DDX17: variants seen among roughly 807,000 people sequenced by gnomAD.
DDX17 encodes DEAD-box helicase 17.
DDX17 carries 10 observed loss-of-function variants against 80.8 expected under a neutral mutation model. The ratio of observed to expected loss-of-function variants is 0.12; its 90% confidence interval spans 0.08 to 0.21. The LOEUF (loss-of-function observed/expected upper bound fraction) is 0.21, where lower values mean the gene tolerates loss of function less well. Ranked by LOEUF, DDX17 falls within the 10% of genes least tolerant of loss-of-function variation. DDX17 has a pLI of 1.00. For synonymous variants in DDX17, 339 were observed against 336.2 expected (o/e 1.01, Z -0.09); for missense variants, 586 against 957.4 (o/e 0.61, Z 5.12).
In DDX17 at chr22:38,506,083, G is replaced by A; in HGVS notation, c.155C>T (p.Ser52Leu). ...CTGCGGCTCCGGTCTGGTGACGACCGATGGCGGCGGCGCCTCCGCTGTTGG... is the reference window on the plus strand; with the variant it reads ...CTGCGGCTCCGGTCTGGTGACGACCAATGGCGGCGGCGCCTCCGCTGTTGG... The change falls in exon 1 of 13, where the codon TCG becomes TTG. Residue 52 changes from serine (S) to leucine (L), a missense_variant. Transcript: ENST00000403230. 1.3e-6 allele frequency: 2 copies of A among 1,579,084 alleles called. No individual in the cohort carries two copies. Among genetic ancestry groups the A allele is most frequent in the Non-Finnish European group, 1.7e-6 (2 of 1,163,240 alleles).
rs1205856149 is a variant in DDX17, at chr22:38,486,297, T to C, written c.1828A>G (p.Arg610Gly). The C allele has an allele frequency of 2.5e-6, 4 of 1,614,240 alleles. No individual in the cohort carries two copies. The highest frequency in any genetic ancestry group is 2.5e-6 in the Non-Finnish European group (3 of 1,180,054). ...CCACTGCCATTAGCATAACCAGCTC[T>C]ATCGGTTTCACTACGATCCCGATAG... The change falls in exon 13 of 13, where the codon AGA becomes GGA. Residue 610 changes from arginine (R) to glycine (G), a missense_variant. Around this residue, in one of 4 missense-constraint regions of DDX17, gnomAD observed 221 missense variants for 261.4 expected, o/e 0.85. Transcript: ENST00000403230.
Position 38,489,649 on chromosome 22 carries a change from A to G in DDX17, c.1448-1534T>C. On this transcript the variant is annotated intron_variant, in intron 11 of 12. Transcript: ENST00000403230. This position sits in a 1 kb window ranked among gnomAD's most constrained non-coding sequence, Gnocchi z 4.6. ...AAAAAAAAAAATTAGCTGTTGTTAC[A>G]GGGCTTGTGAAGAAGGGGCATTATG... The G allele has an allele frequency of 2.0e-6, 2 of 985,322 alleles. No homozygotes were observed. Among genetic ancestry groups the G allele is most frequent in the Non-Finnish European group, 2.4e-6 (2 of 829,908 alleles). 61.0% of individuals were successfully genotyped at this position (985,322 alleles called of 1,614,324 possible). A position where few individuals can be genotyped will look rare whatever the true frequency, so the allele number is the denominator to read the frequency against.
Position 38,489,800 on chromosome 22 carries a change from G to A in DDX17, c.1448-1685C>T, listed in dbSNP as rs1407145146. ...TGAGTCTCCGGCTAGGGTCGTTGAC[G>A]CAACAAAGGAAAAAAGAATTTACAG... On this transcript the variant is annotated intron_variant, in intron 11 of 12. Coordinates refer to ENST00000403230, the MANE Select transcript of DDX17 (RefSeq NM_006386.5). This position sits in a 1 kb window ranked among gnomAD's most constrained non-coding sequence, Gnocchi z 4.6. The A allele has an allele frequency of 7.1e-6, 7 of 985,410 alleles. No homozygotes were observed. The highest frequency in any genetic ancestry group is 1.7e-5 in the African/African-American group (1 of 57,186). The allele number at this position is 985,410 out of a possible 1,614,324, so 61.0% of individuals were successfully genotyped here. A position where few individuals can be genotyped will look rare whatever the true frequency, so the allele number is the denominator to read the frequency against.
intron 7 of DDX17, 33 bp downstream of exon 7, chr22:38,494,853 G>A (rs1304375112): frequency 6.2e-7 from 1 of 1,613,812 alleles, no homozygotes; most frequent in Admixed American, 1.7e-5. Flanking sequence ...TGGACAAATG[G>A]CATAAAGACT....
intron 10 of DDX17, among the ~76,000 whole-genome samples, chr22:38,493,194 A>C (rs1248940267): frequency 1.3e-5 from 2 of 152,116 alleles, no homozygotes; most frequent in Non-Finnish European, 2.9e-5. Flanking sequence ...AGCCACGTTT[A>C]TCTCTTTGAG....
chr22:38,487,762 C>T (rs2089674714), intron 12 of DDX17, 117 bp downstream of exon 12: 5 of 1,029,890 alleles, frequency 4.9e-6, no homozygotes, highest in Admixed American at 1.8e-5. Flanking sequence ...AGGCAGTGTC[C>T]TTTGCTATTA....
intron 5 of DDX17, 148 bp downstream of exon 5, chr22:38,497,937 T>A (rs564111199): frequency 1.4e-6 from 1 of 708,194 alleles, no homozygotes; most frequent in Non-Finnish European, 2.3e-6. Context: ...GGGTAAGTCA[T>A]TTAATTCCAA....
intron 11 of DDX17, chr22:38,490,068 G>T (rs1055836370): frequency 2.8e-6 from 3 of 1,071,708 alleles, no homozygotes; most frequent in Non-Finnish European, 2.3e-6. Flanking sequence ...CAGACATGAT[G>T]CAAGTTCTTC....
chr22:38,493,611 C>T, intron 10 of DDX17, 99 bp downstream of exon 10: 1 of 937,786 alleles, frequency 1.1e-6, no homozygotes, highest in Non-Finnish European at 1.7e-6. Context: ...ACTATGTGGC[C>T]CTTTACAGAA....
In DDX17 at chr22:38,492,141, T is replaced by C. The variant is rs780997745; in HGVS notation, c.1388-26A>G. On this transcript the variant is annotated intron_variant, in intron 10 of 12. Coordinates refer to ENST00000403230, the MANE Select transcript of DDX17 (RefSeq NM_006386.5). ...CTGTAAAAACAAACAATAATCATCA[T>C]CAAATAAGCATTCCTTGCTATCTGA... 91 of 1,590,152 alleles carry C rather than the reference T, an allele frequency of 5.7e-5. 2 individuals carry two copies. In the Middle Eastern group the frequency reaches 8.3e-4, roughly 15 times the overall value.
chr22:38,494,525 T>C (rs573414242), intron 8 of DDX17, 105 bp downstream of exon 8: 1 of 1,014,026 alleles, frequency 9.9e-7, no homozygotes, highest in Non-Finnish European at 1.4e-6. Flanking sequence ...ATGCTTTTAA[T>C]GTTCTCAGGC....
At chr22:38,493,907 A>G in intron 9 of DDX17, 114 bp downstream of exon 9, 3 of 1,198,848 alleles carry the variant, frequency 2.5e-6, no homozygotes, top group Non-Finnish European at 3.7e-6. Flanking sequence ...TCATTAAAAG[A>G]GCAAACTGCA....
chr22:38,490,121 G>A, intron 11 of DDX17: 1 of 1,151,866 alleles, frequency 8.7e-7, no homozygotes. Context: ...AGCTGGATGG[G>A]GGCACACAGG....
intron 5 of DDX17, among the ~76,000 whole-genome samples, chr22:38,497,141 C>T (rs2089776587): frequency 6.6e-6 from 1 of 150,402 alleles, no homozygotes; most frequent in Non-Finnish European, 1.5e-5. Context: ...ACTAAAAATA[C>T]AAAAATTAGC....
Position 38,488,441 on chromosome 22 carries a change from C to T in DDX17, c.1448-326G>A, listed in dbSNP as rs16999001. ...AGTTACACCAATATTGGTCTTCAGA[C>T]GCAAATTCCAGTACTATCCTTTACA... On this transcript the variant is annotated intron_variant, in intron 11 of 12. Coordinates refer to ENST00000403230, the MANE Select transcript of DDX17 (RefSeq NM_006386.5). The T allele has an allele frequency of 6.7e-4, 806 of 1,202,182 alleles. 6 individuals are homozygous for T. In the East Asian group the frequency reaches 0.011, roughly 16 times the overall value. The allele number at this position is 1,202,182 out of a possible 1,614,324, so 74.5% of individuals were successfully genotyped here. A position where few individuals can be genotyped will look rare whatever the true frequency, so the allele number is the denominator to read the frequency against.
At chr22:38,493,575 T>C (rs1770823653) in intron 10 of DDX17, 135 bp downstream of exon 10, 1 of 681,720 alleles carries the variant, frequency 1.5e-6, no homozygotes, top group South Asian at 1.8e-5. Context: ...GAGACCACCA[T>C]TTGGTTTACA....
rs753086737 is a variant in DDX17 at position 38,501,285 on chromosome 22, G to C, written c.288-5C>G. On this transcript the variant is annotated splice_polypyrimidine_tract_variant and splice_region_variant and intron_variant, in intron 1 of 12. Transcript: ENST00000403230. ...CCACCACCTCTTGCTCCAAATCTAG[G>C]AACAGAATTTTTAGTTAGTTCATCA... is the stretch of plus-strand genomic sequence containing the variant. The C allele has an allele frequency of 6.2e-6, 10 of 1,600,080 alleles. No homozygotes were observed. The African/African-American group carries it at 1.1e-4, about 17-fold the overall frequency.
intron 11 of DDX17, chr22:38,490,572 G>A: frequency 1.5e-6 from 1 of 683,012 alleles, no homozygotes; most frequent in Non-Finnish European, 2.1e-6. Context: ...ATAAAATTAT[G>A]GGAATCAAAG....
Position 38,485,901 on chromosome 22 carries a change from T to A in DDX17, c.*34A>T. The A allele has an allele frequency of 1.2e-6, 2 of 1,603,158 alleles. No individual in the cohort carries two copies. The highest frequency in any genetic ancestry group is 1.7e-6 in the Non-Finnish European group (2 of 1,174,972). The stretch of plus-strand genomic sequence containing the variant: ...AAGACAGTGTTCCTTAAAATGTAAT[T>A]AAGTCTGCTGGAGTCACTACCACTT... On this transcript the variant is annotated 3_prime_UTR_variant, in exon 13 of 13. Transcript: ENST00000403230.
Sources: allele counts gnomAD v4.1 joint callset (sites outside exome capture counted in the v4.1 genomes callset), GRCh38; gene constraint gnomAD v4.1.1; regional missense constraint gnomAD v4.1.1; non-coding constraint Gnocchi (gnomAD v3.1); transcripts MANE v1.5; gene names NCBI Gene and HGNC (gene_info 2026-07-23, HGNC 2026-07-21).